The following STAG1 variants were observed in gnomAD, a reference collection of about 807,000 sequenced individuals.
The protein encoded by STAG1 is STAG1 cohesin complex component.
A neutral mutation model predicts 170.9 loss-of-function variants in STAG1; 26 were observed. The observed-to-expected ratio is 0.15, with a 90% confidence interval of 0.11 to 0.21. STAG1 has a LOEUF of 0.21. STAG1 is among the 10% of genes least tolerant of loss of function. The pLI is 1.00. For synonymous variants in STAG1, 514 were observed against 497.7 expected, an observed-to-expected ratio of 1.03 and a Z score of -0.44; for missense variants, 964 against 1,509.5, an observed-to-expected ratio of 0.64 and a Z score of 5.99.
intron 1 of STAG1, among the ~76,000 whole-genome samples, chr3:136,731,691 T>C (rs528449112): frequency 2.0e-4 from 31 of 152,340 alleles, no homozygotes; most frequent in African/African-American, 7.5e-4. Flanking sequence ...AACCACACTA[T>C]ATGGCTCATT....
At chr3:136,542,009 A>C in intron 6 of STAG1, 110 bp downstream of exon 6, 2 of 777,434 alleles carry the variant, frequency 2.6e-6, no homozygotes, top group Non-Finnish European at 4.3e-6. Context: ...ATTAAAAAAT[A>C]GATTTTCAGT....
chr3:136,486,351 T>C (rs1168525520), intron 9 of STAG1, among the ~76,000 whole-genome samples: 1 of 152,316 alleles, frequency 6.6e-6, no homozygotes, highest in East Asian at 1.9e-4. Context: ...AAAATTTCCA[T>C]CTCTGAGCTA....
At chr3:136,657,739 T>C (rs1278015138) in intron 1 of STAG1, among the ~76,000 whole-genome samples, 1 of 152,122 alleles carries the variant, frequency 6.6e-6, no homozygotes, top group African/African-American at 2.4e-5. Context: ...GGAGGACTAC[T>C]TGAGCCTGGA....
In STAG1 at chr3:136,476,480, T is replaced by A. The variant is rs145689475; in HGVS notation, c.1026+809A>T. 1.2e-3 allele frequency among the ~76,000 whole-genome samples: 179 copies of A among 152,194 alleles called. 4 individuals are homozygous for A. In the East Asian group the frequency reaches 0.034, roughly 29 times the overall value. On this transcript the variant is annotated intron_variant, in intron 10 of 33. Transcript: ENST00000383202. Reference sequence around the variant, plus strand: ...ATGGTATTCCAGGGGGCAAGACAGGTGGAAAGCAAACAAAAGTATTACGTA... The same window carrying A: ...ATGGTATTCCAGGGGGCAAGACAGGAGGAAAGCAAACAAAAGTATTACGTA...
At chr3:136,428,132 G>A (rs1373260677) in intron 16 of STAG1, among the ~76,000 whole-genome samples, 5 of 151,770 alleles carry the variant, frequency 3.3e-5, no homozygotes, top group Admixed American at 3.3e-4. Flanking sequence ...GAAGAGAGGT[G>A]AGTACCACTT....
chr3:136,665,846 C>G (rs541095925), intron 1 of STAG1, among the ~76,000 whole-genome samples: 6 of 150,160 alleles, frequency 4.0e-5, no homozygotes, highest in African/African-American at 1.5e-4. Flanking sequence ...GAGGCCGAGG[C>G]AAACAGATCA....
chr3:136,557,106 G>A (rs6775314), intron 5 of STAG1, among the ~76,000 whole-genome samples: 28,429 of 151,730 alleles, frequency 0.19, 3,064 homozygotes, highest in Non-Finnish European at 0.24. Context: ...TAGTGGTGGT[G>A]CGTGCCTGTA....
chr3:136,575,109 C>T (rs1340604288), intron 4 of STAG1, among the ~76,000 whole-genome samples: 2 of 152,128 alleles, frequency 1.3e-5, no homozygotes, highest in Admixed American at 1.3e-4. Flanking sequence ...AATCCACCTA[C>T]AGTAGTGTTT....
At chr3:136,421,185 C>T (rs1042824909) in intron 19 of STAG1, 22 bp from the exon 20 acceptor site, 2 of 1,552,074 alleles carry the variant, frequency 1.3e-6, no homozygotes, top group South Asian at 1.1e-5. Context: ...GGAAACATCA[C>T]ATCATTACAA....
chr3:136,559,151 A>G (rs368969112), intron 5 of STAG1, among the ~76,000 whole-genome samples: 21 of 152,012 alleles, frequency 1.4e-4, no homozygotes, highest in Middle Eastern at 3.4e-3. Flanking sequence ...CTATCTATCT[A>G]TCTATCTATC....
At chr3:136,460,920 C>A (rs538193663) in intron 13 of STAG1, among the ~76,000 whole-genome samples, 2 of 152,226 alleles carry the variant, frequency 1.3e-5, no homozygotes, top group East Asian at 3.9e-4. Flanking sequence ...AGTAAACATG[C>A]ATGTAAAAAT....
At chr3:136,463,744 T>TGC (rs1553725784) in intron 13 of STAG1, among the ~76,000 whole-genome samples, 6 of 56,324 alleles carry the variant, frequency 1.1e-4, no homozygotes, top group East Asian at 1.5e-3. Flanking sequence ...TATGTGTGTG[T>TGC]GTGTGTGTGT....
At position 136,722,217 on chromosome 3, in the gene STAG1, A is replaced by G. The variant is rs528576428; in HGVS notation, c.-84+29978T>C. On this transcript the variant is annotated intron_variant, in intron 1 of 33. Coordinates refer to ENST00000383202, the MANE Select transcript of STAG1 (RefSeq NM_005862.3). Reference sequence around the variant, plus strand: ...GCAACAGAGCAAGATCCTGTCTCCAAAAAAAAGGAAAAAAAAATGATGTAC... The same window carrying G: ...GCAACAGAGCAAGATCCTGTCTCCAGAAAAAAGGAAAAAAAAATGATGTAC... Among the ~76,000 whole-genome samples the G allele has an allele frequency of 9.9e-5, 15 of 152,134 alleles. No homozygotes were observed. The South Asian group carries it at 1.5e-3, about 15-fold the overall frequency.
chr3:136,585,929 T>G (rs372493374), intron 4 of STAG1, among the ~76,000 whole-genome samples: 8 of 152,222 alleles, frequency 5.3e-5, no homozygotes, highest in African/African-American at 1.9e-4. Context: ...AATGAGAAAC[T>G]GCACAGGCAT....
At chr3:136,542,328 A>C in intron 5 of STAG1, 133 bp from the exon 6 acceptor site, 1 of 670,890 alleles carries the variant, frequency 1.5e-6, no homozygotes, top group Non-Finnish European at 2.5e-6. Flanking sequence ...ATATTAAAAC[A>C]TAAAATGTTG....
intron 20 of STAG1, among the ~76,000 whole-genome samples, chr3:136,419,119 G>T (rs1341304440): frequency 1.3e-5 from 2 of 152,146 alleles, no homozygotes; most frequent in East Asian, 3.8e-4. Context: ...ACTTATGAAT[G>T]TGATAATGGT....
intron 7 of STAG1, among the ~76,000 whole-genome samples, chr3:136,508,408 C>T (rs1299956665): frequency 6.6e-6 from 1 of 152,130 alleles, no homozygotes. Context: ...AAGTCCTAGG[C>T]TGAGCATGAT....
chr3:136,528,709 G>A (rs1935207828), intron 6 of STAG1, among the ~76,000 whole-genome samples: 2 of 152,104 alleles, frequency 1.3e-5, no homozygotes, highest in South Asian at 2.1e-4. Context: ...CACCAGCTCG[G>A]GAGGCTGAGG....
intron 23 of STAG1, among the ~76,000 whole-genome samples, chr3:136,370,483 T>G (rs899539265): frequency 6.6e-6 from 1 of 152,126 alleles, no homozygotes; most frequent in African/African-American, 2.4e-5. Context: ...TAGCATTAGG[T>G]GTATCTCCTA....
Sources: gnomAD v4.1 joint callset for allele counts (sites outside exome capture counted in the v4.1 genomes callset) on GRCh38, gnomAD v4.1.1 for gene constraint, MANE v1.5 for transcripts, NCBI Gene and HGNC (gene_info 2026-07-23, HGNC 2026-07-21) for gene names.